PTK2B: variants seen among roughly 807,000 people sequenced by gnomAD.
The protein encoded by PTK2B is protein tyrosine kinase 2 beta, also known as protein-tyrosine kinase 2-beta.
PTK2B carries 71 observed loss-of-function variants against 142.9 expected under a neutral mutation model. The ratio of observed to expected loss-of-function variants is 0.50; its 90% CI spans 0.41 to 0.61. The LOEUF is 0.61. Ranked by LOEUF, PTK2B falls within the 20% of genes least tolerant of loss-of-function variation. PTK2B has a pLI of 0.00. For synonymous variants in PTK2B, 519 were observed against 503.4 expected, an observed-to-expected ratio of 1.03 and a Z score of -0.42; for missense variants, 1,105 against 1,320.4, an observed-to-expected ratio of 0.84 and a Z score of 2.53.
intron 30 of PTK2B, among the ~76,000 whole-genome samples, chr8:27,457,129 A>G (rs550176155): frequency 5.3e-5 from 8 of 152,354 alleles, no homozygotes; most frequent in South Asian, 2.1e-4. Flanking sequence ...ACAACTTTCT[A>G]TTGGAAGCAG....
At chr8:27,398,026 T>G (rs1042143478) in intron 2 of PTK2B, among the ~76,000 whole-genome samples, 1 of 152,248 alleles carries the variant, frequency 6.6e-6, no homozygotes, top group African/African-American at 2.4e-5. Context: ...GAACCCCAGA[T>G]AATTTGTTTG....
chr8:27,437,648 C>G, intron 17 of PTK2B, 117 bp from the exon 18 acceptor site: 2 of 1,253,370 alleles, frequency 1.6e-6, no homozygotes, highest in Non-Finnish European at 2.2e-6. Context: ...ATTTTGCCAG[C>G]TTTGGGTTTG....
intron 2 of PTK2B, among the ~76,000 whole-genome samples, chr8:27,413,866 T>C (rs1809218224): frequency 6.6e-6 from 1 of 152,232 alleles, no homozygotes; most frequent in South Asian, 2.1e-4. Context: ...ATTTCCATCC[T>C]TTCTTCTACA....
chr8:27,357,628 A>G (rs1805461632), intron 1 of PTK2B, among the ~76,000 whole-genome samples: 1 of 152,212 alleles, frequency 6.6e-6, no homozygotes. Context: ...ACTCTGAATG[A>G]GAGAGGGGAA....
At position 27,450,737 on chromosome 8, in the gene PTK2B, C is replaced by G; in HGVS notation, c.2341-12C>G. 1 of 1,614,028 alleles carries G rather than the reference C, an allele frequency of 6.2e-7. No individual in the cohort carries two copies. Among genetic ancestry groups the G allele is most frequent in the South Asian group, 1.1e-5 (1 of 91,072 alleles). ...CATTGCATCCTCTCCCTTCTCTCTGCCGTCCTCCCAGGAGGAGGACTTCAT... is the reference window on the plus strand; with the variant it reads ...CATTGCATCCTCTCCCTTCTCTCTGGCGTCCTCCCAGGAGGAGGACTTCAT... On this transcript the variant is annotated splice_polypyrimidine_tract_variant and intron_variant, in intron 24 of 30. Transcript: ENST00000346049.
intron 1 of PTK2B, among the ~76,000 whole-genome samples, chr8:27,347,701 A>G (rs1218457590): frequency 6.6e-6 from 1 of 152,176 alleles, no homozygotes; most frequent in African/African-American, 2.4e-5. Context: ...CCCCATCTCT[A>G]AATACAGTCC....
At chr8:27,444,297 A>G (rs1162892227) in intron 23 of PTK2B, 26 bp downstream of exon 23, 1 of 1,597,350 alleles carries the variant, frequency 6.3e-7, no homozygotes, top group Non-Finnish European at 8.6e-7. Context: ...GAGGACGGGA[A>G]CTTCAGGTCT....
chr8:27,399,682 G>A (rs1428519450), intron 2 of PTK2B, among the ~76,000 whole-genome samples: 1 of 152,216 alleles, frequency 6.6e-6, no homozygotes, highest in Non-Finnish European at 1.5e-5. Flanking sequence ...GGTCGGTGGG[G>A]AACAGAGGTG....
At chr8:27,401,042 G>A (rs1350498125) in intron 2 of PTK2B, among the ~76,000 whole-genome samples, 1 of 152,182 alleles carries the variant, frequency 6.6e-6, no homozygotes, top group Non-Finnish European at 1.5e-5. Context: ...AGGAGGCTGA[G>A]GCAAGACAAT....
At chr8:27,375,404 C>T (rs1479151853) in intron 1 of PTK2B, among the ~76,000 whole-genome samples, 1 of 152,228 alleles carries the variant, frequency 6.6e-6, no homozygotes, top group Non-Finnish European at 1.5e-5. Context: ...TTGAGTTTTC[C>T]TCTCTGGTAT....
At chr8:27,417,769 A>C (rs1434358756) in intron 2 of PTK2B, among the ~76,000 whole-genome samples, 1 of 152,194 alleles carries the variant, frequency 6.6e-6, no homozygotes, top group Non-Finnish European at 1.5e-5. Context: ...GATAATCAAC[A>C]GCACAGGAGT....
intron 3 of PTK2B, 96 bp from the exon 4 acceptor site, chr8:27,420,561 A>C (rs1809680879): frequency 8.5e-7 from 1 of 1,172,094 alleles, no homozygotes. Context: ...TTCCCTTTGC[A>C]CTAGGGGATG....
intron 1 of PTK2B, among the ~76,000 whole-genome samples, chr8:27,339,530 C>G (rs1804267907): frequency 6.6e-6 from 1 of 152,142 alleles, no homozygotes; most frequent in African/African-American, 2.4e-5. Flanking sequence ...AGGAAGAATA[C>G]TGGGCAAGAA....
chr8:27,311,826 CAA>C (rs141897375), intron 1 of PTK2B: 1 of 152,442 alleles, frequency 6.6e-6, no homozygotes, highest in African/African-American at 2.4e-5. Context: ...TAAGGAGAAA[CAA>C]GAGAGGGGTG....
chr8:27,330,615 G>A (rs919897111), intron 1 of PTK2B, among the ~76,000 whole-genome samples: 26 of 152,256 alleles, frequency 1.7e-4, no homozygotes, highest in African/African-American at 6.0e-4. Flanking sequence ...ACAAAGCTGC[G>A]AGCTGTGCAA....
At chr8:27,334,346 A>G (rs1238129864) in intron 1 of PTK2B, among the ~76,000 whole-genome samples, 1 of 152,068 alleles carries the variant, frequency 6.6e-6, no homozygotes, top group African/African-American at 2.4e-5. Flanking sequence ...CCATACCCAA[A>G]TGAAGCCCCA....
intron 1 of PTK2B, among the ~76,000 whole-genome samples, chr8:27,354,448 C>A (rs151230162): frequency 6.6e-6 from 1 of 152,226 alleles, no homozygotes; most frequent in Non-Finnish European, 1.5e-5. Context: ...ACAAAGAAAG[C>A]CAGTGAAATT....
At position 27,452,705 on chromosome 8, in the gene PTK2B, A is replaced by G. The variant is rs112612550; in HGVS notation, c.2549-409A>G. 1.8e-3 allele frequency: 361 copies of G among 205,062 alleles called. 1 individual carries two copies. The highest frequency in any genetic ancestry group is 7.6e-3 in the African/African-American group (332 of 43,718). 12.7% of individuals were successfully genotyped at this position (205,062 alleles called of 1,614,324 possible). A position where few individuals can be genotyped will look rare whatever the true frequency, so the allele number is the denominator to read the frequency against. On this transcript the variant is annotated intron_variant, in intron 27 of 30. Coordinates refer to ENST00000346049, the MANE Select transcript of PTK2B (RefSeq NM_173176.3). ...CTGGGAAAACCATTAGAGAATCCAC[A>G]CAAATTTACCCCATGAGCTGCTGTC...
chr8:27,368,802 A>G (rs925674390), intron 1 of PTK2B, among the ~76,000 whole-genome samples: 1 of 152,112 alleles, frequency 6.6e-6, no homozygotes, highest in Non-Finnish European at 1.5e-5. Flanking sequence ...TGGGGCCTGG[A>G]GTGACGGCAG....
Sources: allele counts gnomAD v4.1 joint callset (sites outside exome capture counted in the v4.1 genomes callset), GRCh38; gene constraint gnomAD v4.1.1; transcripts MANE v1.5; gene names NCBI Gene and HGNC (gene_info 2026-07-23, HGNC 2026-07-21).